Variants in ADAM2 observed in about 807,000 individuals in gnomAD.
ADAM2 encodes the protein disintegrin and metalloproteinase domain-containing protein 2.
Under a neutral mutation model 99.3 loss-of-function variants are expected in ADAM2, and 101 were observed. The ratio of observed to expected loss-of-function variants is 1.02; its 90% CI spans 0.87 to 1.20. The LOEUF (loss-of-function observed/expected upper bound fraction) is 1.20, where lower values mean the gene tolerates loss of function less well. ADAM2 is among the 50% of genes most tolerant of loss of function. ADAM2 has a pLI of 0.00. For missense variants in ADAM2, 948 were observed against 878.7 expected, an observed-to-expected ratio of 1.08 and a Z score of -1.00; for synonymous variants, 323 against 287.6, an observed-to-expected ratio of 1.12 and a Z score of -1.25.
At chr8:39,773,490 T>G (rs1490343475) in intron 11 of ADAM2, among the ~76,000 whole-genome samples, 1 of 151,726 alleles carries the variant, frequency 6.6e-6, no homozygotes, top group Non-Finnish European at 1.5e-5. Context: ...TTTAAAAAAA[T>G]TAATTAATTT....
rs147690862 is a variant in ADAM2, at chr8:39,802,240, C to T, written c.570+7170G>A. ...CTGGGGGGAGGGGATTCCCCTTCCCCGTGCGGCTCTCAGGTGGGCTGCCAC... is the reference window on the plus strand; with the variant it reads ...CTGGGGGGAGGGGATTCCCCTTCCCTGTGCGGCTCTCAGGTGGGCTGCCAC... On this transcript the variant is annotated intron_variant, in intron 7 of 20. Transcript: ENST00000265708. Among the ~76,000 whole-genome samples, 509 of 152,276 alleles carry T rather than the reference C, an allele frequency of 3.3e-3. 4 individuals are homozygous for T. Among genetic ancestry groups the T allele is most frequent in the African/African-American group, 0.011 (468 of 41,546 alleles).
At chr8:39,830,007 GGGGC>G (rs1256553093) in intron 3 of ADAM2, among the ~76,000 whole-genome samples, 2 of 152,128 alleles carry the variant, frequency 1.3e-5, no homozygotes, top group African/African-American at 2.4e-5. Flanking sequence ...GACGGACTGA[GGGGC>G]TATTATAGCA....
chr8:39,780,169 G>T (rs1803159649), intron 10 of ADAM2, among the ~76,000 whole-genome samples: 1 of 152,026 alleles, frequency 6.6e-6, no homozygotes, highest in Non-Finnish European at 1.5e-5. Flanking sequence ...GCGTGCAGGG[G>T]ATCTCCCCTT....
chr8:39,814,317 C>T (rs1252505344), intron 6 of ADAM2, among the ~76,000 whole-genome samples: 4 of 151,720 alleles, frequency 2.6e-5, no homozygotes, highest in Admixed American at 1.3e-4. Flanking sequence ...CAAGATCACA[C>T]CACTGCACTC....
intron 16 of ADAM2, among the ~76,000 whole-genome samples, chr8:39,754,472 G>A (rs1042319006): frequency 3.9e-5 from 6 of 152,112 alleles, no homozygotes; most frequent in Admixed American, 3.9e-4. Flanking sequence ...ACGTATTTTA[G>A]CCTATTTAGA....
In ADAM2 at chr8:39,767,090, C is replaced by T. The variant is rs764507948; in HGVS notation, c.1312-47G>A. 5.0e-6 allele frequency: 8 copies of T among 1,600,806 alleles called. No individual in the cohort carries two copies. In the Admixed American group the frequency reaches 8.5e-5, roughly 17 times the overall value. ...TATTGAATTAAGCAGAATGAGAATA[C>T]ATAAGCATAATAATGATAACTACTT... On this transcript the variant is annotated intron_variant, in intron 13 of 20. Transcript: ENST00000265708.
chr8:39,767,062 T>A lies in ADAM2; in HGVS notation c.1312-19A>T, dbSNP rs1179381893. 6.2e-6 allele frequency: 10 copies of A among 1,608,924 alleles called. No homozygotes were observed. Among genetic ancestry groups the A allele is most frequent in the African/African-American group, 5.3e-5 (4 of 74,890 alleles). Reference sequence around the variant, plus strand: ...ACATAAACTGATGGGATGAGGTAAATGATATTGAATTAAGCAGAATGAGAA... The same window carrying A: ...ACATAAACTGATGGGATGAGGTAAAAGATATTGAATTAAGCAGAATGAGAA... On this transcript the variant is annotated intron_variant, in intron 13 of 20. Transcript: ENST00000265708.
At chr8:39,794,879 C>T (rs879840297) in intron 7 of ADAM2, among the ~76,000 whole-genome samples, 10 of 152,042 alleles carry the variant, frequency 6.6e-5, no homozygotes, top group Admixed American at 2.0e-4. Flanking sequence ...GTTTTGTCTG[C>T]GGCTTGTCCT....
intron 11 of ADAM2, among the ~76,000 whole-genome samples, chr8:39,770,094 C>T (rs144796717): frequency 2.0e-5 from 3 of 151,760 alleles, no homozygotes; most frequent in Admixed American, 6.6e-5. Context: ...TAGAGGGACA[C>T]GCCACCACGA....
intron 7 of ADAM2, among the ~76,000 whole-genome samples, chr8:39,798,576 C>T (rs1276686950): frequency 6.6e-6 from 1 of 152,130 alleles, no homozygotes; most frequent in Non-Finnish European, 1.5e-5. Context: ...GGAGGAGTCC[C>T]TCCTTTTCAA....
At chr8:39,766,743 A>T in intron 14 of ADAM2, 105 bp downstream of exon 14, 1 of 885,960 alleles carries the variant, frequency 1.1e-6, no homozygotes, top group Non-Finnish European at 1.7e-6. Flanking sequence ...TAGAATATTT[A>T]AACTAAATGT....
intron 6 of ADAM2, among the ~76,000 whole-genome samples, chr8:39,811,613 C>A (rs1229759284): frequency 2.0e-5 from 3 of 152,198 alleles, no homozygotes; most frequent in African/African-American, 7.2e-5. Flanking sequence ...GGATGCAGGG[C>A]TGGTTCAACA....
chr8:39,780,268 G>A (rs752756996), intron 10 of ADAM2, among the ~76,000 whole-genome samples: 23 of 151,964 alleles, frequency 1.5e-4, no homozygotes, highest in Non-Finnish European at 2.9e-4. Context: ...ACCTCCCACC[G>A]GGTCCCTCCC....
intron 3 of ADAM2, among the ~76,000 whole-genome samples, chr8:39,825,897 G>GT (rs1805379165): frequency 6.6e-6 from 1 of 152,190 alleles, no homozygotes; most frequent in South Asian, 2.1e-4. Context: ...TTTTAGCATT[G>GT]TTTTTTATTT....
intron 6 of ADAM2, among the ~76,000 whole-genome samples, chr8:39,814,110 C>A (rs1231597435): frequency 2.6e-5 from 4 of 151,954 alleles, no homozygotes; most frequent in African/African-American, 9.7e-5. Context: ...GTAATCCCAG[C>A]ACTTTGGGAG....
intron 7 of ADAM2, among the ~76,000 whole-genome samples, chr8:39,807,275 G>T (rs1804480349): frequency 6.6e-6 from 1 of 152,184 alleles, no homozygotes; most frequent in Admixed American, 6.5e-5. Flanking sequence ...TACTTATCAG[G>T]TTTCATAGCT....
intron 6 of ADAM2, among the ~76,000 whole-genome samples, chr8:39,819,871 A>AT (rs11384265): frequency 1 from 152,165 of 152,166 alleles, 76,082 homozygotes; most frequent in Non-Finnish European, 1. Flanking sequence ...TTGGTTTTCT[A>AT]TTCTCTGGAG....
intron 3 of ADAM2, among the ~76,000 whole-genome samples, chr8:39,830,437 G>A (rs906653139): frequency 6.6e-6 from 1 of 152,162 alleles, no homozygotes; most frequent in Non-Finnish European, 1.5e-5. Flanking sequence ...GTAGTTGCAA[G>A]AGAGTATATA....
chr8:39,809,188 T>C (rs1298968794), intron 7 of ADAM2, among the ~76,000 whole-genome samples: 3 of 152,170 alleles, frequency 2.0e-5, no homozygotes, highest in Non-Finnish European at 4.4e-5. Flanking sequence ...TTGTAAACTA[T>C]TATAGAGGTA....
Sources: allele counts gnomAD v4.1 joint callset (sites outside exome capture counted in the v4.1 genomes callset), GRCh38; gene constraint gnomAD v4.1.1; transcripts MANE v1.5; gene names NCBI Gene and HGNC (gene_info 2026-07-23, HGNC 2026-07-21).